The following MGMT variants were observed in gnomAD, a reference collection of about 807,000 sequenced individuals.
MGMT encodes O-6-methylguanine-DNA methyltransferase.
A neutral mutation model predicts 15.9 loss-of-function variants in MGMT; 14 were observed. The ratio of observed to expected loss-of-function variants is 0.88; its 90% CI spans 0.58 to 1.37. The LOEUF is 1.37. Ranked by LOEUF, MGMT falls within the 40% of genes most tolerant of loss-of-function variation. The probability of loss-of-function intolerance (pLI) is 0.00; values close to 1 mark genes in which losing one functional copy is unlikely to be tolerated. For missense variants in MGMT, 282 were observed against 268.1 expected, an observed-to-expected ratio of 1.05 and a Z score of -0.36; for synonymous variants, 130 against 118.2, an observed-to-expected ratio of 1.10 and a Z score of -0.65.
intron 2 of MGMT, among the ~76,000 whole-genome samples, chr10:129,557,569 A>G (rs1245503184): frequency 6.6e-6 from 1 of 152,242 alleles, no homozygotes; most frequent in Non-Finnish European, 1.5e-5. Flanking sequence ...TAAATATTAC[A>G]TAACTCGGTA....
intron 1 of MGMT, among the ~76,000 whole-genome samples, chr10:129,506,863 G>A (rs1845630952): frequency 6.6e-6 from 1 of 152,072 alleles, no homozygotes; most frequent in African/African-American, 2.4e-5. Context: ...TTAGTCCTTG[G>A]ATTTGGATGT....
intron 2 of MGMT, among the ~76,000 whole-genome samples, chr10:129,550,354 C>G (rs1846142952): frequency 7.2e-6 from 1 of 139,348 alleles, no homozygotes. Flanking sequence ...TCACAGTGTT[C>G]CGCAGCCACC....
chr10:129,686,340 G>T (rs1056650066), intron 2 of MGMT, among the ~76,000 whole-genome samples: 5 of 151,812 alleles, frequency 3.3e-5, no homozygotes, highest in African/African-American at 1.2e-4. Context: ...ACATAAATAA[G>T]ACCAGAGGCC....
intron 2 of MGMT, among the ~76,000 whole-genome samples, chr10:129,705,997 G>A (rs569228952): frequency 6.6e-6 from 1 of 152,334 alleles, no homozygotes; most frequent in African/African-American, 2.4e-5. Flanking sequence ...TGGTCCTCCA[G>A]CTCTTCCCTG....
chr10:129,580,681 C>G (rs928049243), intron 2 of MGMT, among the ~76,000 whole-genome samples: 2 of 152,236 alleles, frequency 1.3e-5, no homozygotes, highest in Non-Finnish European at 2.9e-5. Context: ...CATCCTGTAC[C>G]TAGGGACACC....
intron 2 of MGMT, among the ~76,000 whole-genome samples, chr10:129,646,773 GA>G (rs1366105203): frequency 2.0e-5 from 2 of 99,960 alleles, no homozygotes; most frequent in African/African-American, 7.7e-5. Flanking sequence ...GAATGGTAGA[GA>G]ACAGTGGAGA....
intron 2 of MGMT, among the ~76,000 whole-genome samples, chr10:129,690,163 C>A (rs1278795189): frequency 6.6e-6 from 1 of 152,108 alleles, no homozygotes; most frequent in African/African-American, 2.4e-5. Flanking sequence ...TCTAAAACAT[C>A]GGTAGTTTAT....
At chr10:129,580,333 T>G (rs1846537439) in intron 2 of MGMT, among the ~76,000 whole-genome samples, 1 of 152,172 alleles carries the variant, frequency 6.6e-6, no homozygotes, top group African/African-American at 2.4e-5. Flanking sequence ...TGATTTAATC[T>G]TCACAAAAAC....
intron 2 of MGMT, among the ~76,000 whole-genome samples, chr10:129,628,513 C>T (rs1416334200): frequency 6.6e-6 from 1 of 152,148 alleles, no homozygotes; most frequent in Non-Finnish European, 1.5e-5. Flanking sequence ...CTGGCATTGA[C>T]CCCGTGGTGC....
intron 1 of MGMT, among the ~76,000 whole-genome samples, chr10:129,506,874 T>G (rs552995130): frequency 1.3e-5 from 2 of 152,348 alleles, no homozygotes; most frequent in Admixed American, 6.5e-5. Flanking sequence ...ATTTGGATGT[T>G]GTCATCTTCA....
At chr10:129,728,074 C>T (rs1848453204) in intron 3 of MGMT, among the ~76,000 whole-genome samples, 1 of 152,128 alleles carries the variant, frequency 6.6e-6, no homozygotes, top group African/African-American at 2.4e-5. Context: ...TGATGGGAGC[C>T]AGGCTGGACT....
chr10:129,722,692 A>G (rs1848385800), intron 3 of MGMT, among the ~76,000 whole-genome samples: 1 of 152,206 alleles, frequency 6.6e-6, no homozygotes, highest in Non-Finnish European at 1.5e-5. Flanking sequence ...GAAAGACACA[A>G]AGTAGATCAA....
intron 2 of MGMT, among the ~76,000 whole-genome samples, chr10:129,631,575 C>G (rs1167939474): frequency 1.3e-5 from 2 of 152,230 alleles, no homozygotes; most frequent in African/African-American, 4.8e-5. Flanking sequence ...GTAATCCCAA[C>G]ACTTTGGTAG....
intron 2 of MGMT, among the ~76,000 whole-genome samples, chr10:129,648,485 A>G (rs1847421425): frequency 6.6e-6 from 1 of 152,196 alleles, no homozygotes; most frequent in Non-Finnish European, 1.5e-5. Context: ...AGTTGTGCTC[A>G]GAACCAGATT....
intron 1 of MGMT, among the ~76,000 whole-genome samples, chr10:129,511,893 T>C (rs1329547974): frequency 6.6e-6 from 1 of 152,204 alleles, no homozygotes; most frequent in Non-Finnish European, 1.5e-5. Flanking sequence ...CTGGCCGCTG[T>C]GGAGGGAATG....
intron 1 of MGMT, among the ~76,000 whole-genome samples, chr10:129,531,511 G>A (rs563423635): frequency 1.7e-4 from 26 of 152,038 alleles, no homozygotes; most frequent in South Asian, 1.3e-3. Flanking sequence ...CTCTCTGCTC[G>A]CCCGGTGTGC....
intron 2 of MGMT, among the ~76,000 whole-genome samples, chr10:129,582,574 G>T (rs1846569439): frequency 6.6e-6 from 1 of 151,864 alleles, no homozygotes; most frequent in Non-Finnish European, 1.5e-5. Flanking sequence ...TATAAAGTCT[G>T]GTTGTTGTTT....
intron 2 of MGMT, among the ~76,000 whole-genome samples, chr10:129,684,961 G>A (rs907076151): frequency 2.6e-5 from 4 of 152,236 alleles, no homozygotes; most frequent in Admixed American, 2.0e-4. Flanking sequence ...TTTGCATCTT[G>A]ATGTGATGCT....
intron 2 of MGMT, among the ~76,000 whole-genome samples, chr10:129,591,042 T>G (rs1846678326): frequency 6.6e-6 from 1 of 152,146 alleles, no homozygotes; most frequent in Non-Finnish European, 1.5e-5. Context: ...GCAGTGTGTT[T>G]TCTGTAGGCA....
Sources: gnomAD v4.1 joint callset for allele counts (sites outside exome capture counted in the v4.1 genomes callset) on GRCh38, gnomAD v4.1.1 for gene constraint, MANE v1.5 for transcripts, NCBI Gene and HGNC (gene_info 2026-07-23, HGNC 2026-07-21) for gene names.